SCN11A: variants seen among roughly 807,000 people sequenced by gnomAD.
The protein encoded by SCN11A is sodium channel protein type 11 subunit alpha.
A neutral mutation model predicts 162.2 loss-of-function variants in SCN11A; 122 were observed. The observed-to-expected ratio is 0.75, with a 90% CI of 0.65 to 0.87. The LOEUF (loss-of-function observed/expected upper bound fraction) is 0.87. Among genes scored for constraint, SCN11A ranks in the 40% least tolerant of loss-of-function variants. The pLI, the probability that SCN11A is intolerant of heterozygous loss-of-function variation, is 0.00. For synonymous variants in SCN11A, 758 were observed against 751.5 expected (o/e 1.01, Z -0.14); for missense variants, 2,015 against 2,181.6 (o/e 0.92, Z 1.52).
chr3:39,042,044 G>C (rs1052405580), intron 1 of SCN11A, among the ~76,000 whole-genome samples: 1 of 152,142 alleles, frequency 6.6e-6, no homozygotes, highest in Admixed American at 6.5e-5. Flanking sequence ...TGAGGCAGGA[G>C]GATCACTTAA....
chr3:38,975,942 C>T (rs2066847080), intron 2 of SCN11A, among the ~76,000 whole-genome samples: 1 of 152,046 alleles, frequency 6.6e-6, no homozygotes. Context: ...GAATGGTACA[C>T]TTTAAAATGG....
At chr3:39,035,772 TGGGA>T (rs1444937775) in intron 1 of SCN11A, among the ~76,000 whole-genome samples, 1 of 151,954 alleles carries the variant, frequency 6.6e-6, no homozygotes, top group Admixed American at 6.6e-5. Context: ...CCCGAGTAGC[TGGGA>T]CTACAGGCAC....
intron 7 of SCN11A, among the ~76,000 whole-genome samples, chr3:38,937,569 AACAG>A (rs1326917030): frequency 6.6e-6 from 1 of 151,796 alleles, no homozygotes; most frequent in Non-Finnish European, 1.5e-5. Flanking sequence ...GAAGGACATG[AACAG>A]ACACTTCTCA....
Position 38,857,121 on chromosome 3 carries a change from C to G in SCN11A, c.4056+6074G>C, listed in dbSNP as rs138718292. On this transcript the variant is annotated intron_variant, in intron 28 of 29. Coordinates refer to ENST00000302328, the MANE Select transcript of SCN11A (RefSeq NM_001349253.2). ...TCTATAACACCTCCAAAAGATCATA[C>G]TAGCTTCTCAGCAATGGATCCAAAC... Among the ~76,000 whole-genome samples the G allele has an allele frequency of 1.4e-4, 21 of 152,246 alleles. No homozygotes were observed. The East Asian group carries it at 3.5e-3, about 25-fold the overall frequency.
intron 14 of SCN11A, among the ~76,000 whole-genome samples, chr3:38,907,326 GT>G (rs2065809789): frequency 3.5e-5 from 1 of 28,326 alleles, no homozygotes; most frequent in African/African-American, 7.7e-5. Flanking sequence ...GTGTGTGTGT[GT>G]GTGTGTGTGT....
At chr3:38,961,391 C>T (rs1350884938) in intron 2 of SCN11A, among the ~76,000 whole-genome samples, 1 of 152,122 alleles carries the variant, frequency 6.6e-6, no homozygotes, top group East Asian at 1.9e-4. Context: ...AGGAAAAATG[C>T]CTGGTTGCTT....
chr3:39,016,329 C>G (rs1299192891), intron 2 of SCN11A, among the ~76,000 whole-genome samples: 2 of 152,130 alleles, frequency 1.3e-5, no homozygotes, highest in Middle Eastern at 3.2e-3. Flanking sequence ...GGGGTGATCC[C>G]CCAGAGAAAG....
chr3:38,883,423 C>G, intron 21 of SCN11A, 36 bp from the exon 22 acceptor site: 2 of 1,582,254 alleles, frequency 1.3e-6, no homozygotes, highest in Non-Finnish European at 1.7e-6. Flanking sequence ...TCATTAGTGT[C>G]TGTAATAAAC....
At chr3:38,869,419 AT>A (rs1405769775) in intron 26 of SCN11A, among the ~76,000 whole-genome samples, 2 of 152,124 alleles carry the variant, frequency 1.3e-5, no homozygotes, top group African/African-American at 4.8e-5. Flanking sequence ...ATATATAATT[AT>A]AAAATTACAT....
chr3:39,025,189 G>A (rs2031557759), intron 2 of SCN11A, among the ~76,000 whole-genome samples: 1 of 151,974 alleles, frequency 6.6e-6, no homozygotes, highest in Admixed American at 6.6e-5. Flanking sequence ...GGAGGGGTGG[G>A]AGACAGGAGA....
chr3:38,872,745 T>C lies in SCN11A; in HGVS notation c.3394-451A>G, dbSNP rs143376471. 3.0e-3 allele frequency among the ~76,000 whole-genome samples: 461 copies of C among 152,266 alleles called. 1 individual carries two copies. The highest frequency in any genetic ancestry group is 0.011 in the African/African-American group (443 of 41,558). ...GTGAGACATTGTCCTTGATAGGAAA[T>C]ATACATTGACATGTTTAGGGGTAAT... On this transcript the variant is annotated intron_variant, in intron 23 of 29. Coordinates refer to ENST00000302328, the MANE Select transcript of SCN11A (RefSeq NM_001349253.2).
Position 38,850,727 on chromosome 3 carries a change from C to T in SCN11A, c.4081G>A (p.Asp1361Asn), listed in dbSNP as rs150340436. The T allele has an allele frequency of 3.3e-5, 53 of 1,606,754 alleles. No individual in the cohort carries two copies. The African/African-American group carries it at 3.6e-4, about 11-fold the overall frequency. Residue 1361 changes from aspartate (D) to asparagine (N), a missense_variant, in exon 29 of 30, where the codon GAC becomes AAC. Transcript: ENST00000302328. ...TCAAAGATCTGGCTTGTGACTATGTCGAACACGAGACCTTGACATTTGTTC... is the reference window on the plus strand; with the variant it reads ...TCAAAGATCTGGCTTGTGACTATGTTGAACACGAGACCTTGACATTTGTTC... ...PLNKCQGLVF[D>N]IVTSQIFDII...
At chr3:38,898,108 T>G (rs2065636648) in intron 17 of SCN11A, among the ~76,000 whole-genome samples, 1 of 151,382 alleles carries the variant, frequency 6.6e-6, no homozygotes, top group Non-Finnish European at 1.5e-5. Context: ...CGTGGTGGTG[T>G]GCGTCTGTAG....
intron 7 of SCN11A, 21 bp from the exon 8 acceptor site, chr3:38,926,952 A>C (rs767286357): frequency 1.2e-6 from 2 of 1,603,682 alleles, no homozygotes; most frequent in Admixed American, 1.7e-5. Context: ...AATCATTTAC[A>C]ACAGGAAGAA....
intron 5 of SCN11A, among the ~76,000 whole-genome samples, 167 bp from the exon 6 acceptor site, chr3:38,947,074 G>A (rs2066529553): frequency 6.6e-6 from 1 of 152,168 alleles, no homozygotes; most frequent in Non-Finnish European, 1.5e-5. Context: ...ATCAGAGATG[G>A]AAAACACAGG....
At chr3:38,977,106 C>T (rs962638724) in intron 2 of SCN11A, among the ~76,000 whole-genome samples, 1 of 152,196 alleles carries the variant, frequency 6.6e-6, no homozygotes, top group African/African-American at 2.4e-5. Context: ...TTTGGATCCA[C>T]AAGTATTTCT....
intron 4 of SCN11A, among the ~76,000 whole-genome samples, chr3:38,952,102 C>G (rs1390641428): frequency 1.3e-5 from 2 of 152,046 alleles, no homozygotes; most frequent in East Asian, 1.9e-4. Context: ...AGCAAGACCA[C>G]GAGCCCACCA....
chr3:38,876,450 T>C (rs2065208131), intron 23 of SCN11A, among the ~76,000 whole-genome samples: 1 of 152,084 alleles, frequency 6.6e-6, no homozygotes, highest in African/African-American at 2.4e-5. Context: ...ATCTTTGCAA[T>C]CTATACATCT....
At chr3:39,039,796 C>G (rs2031998148) in intron 1 of SCN11A, among the ~76,000 whole-genome samples, 1 of 152,128 alleles carries the variant, frequency 6.6e-6, no homozygotes, top group African/African-American at 2.4e-5. Flanking sequence ...AGGCTGTCAC[C>G]ACTGGAGACC....
Sources: allele counts gnomAD v4.1 joint callset (sites outside exome capture counted in the v4.1 genomes callset), GRCh38; gene constraint gnomAD v4.1.1; transcripts MANE v1.5; gene names NCBI Gene and HGNC (gene_info 2026-07-23, HGNC 2026-07-21).